PSMB10: variants seen among roughly 807,000 people sequenced by gnomAD.
The protein encoded by PSMB10 is proteasome subunit beta type-10.
A neutral mutation model predicts 29.8 loss-of-function variants in PSMB10; 29 were observed. That is an observed-to-expected ratio of 0.97 (90% CI 0.73 to 1.33). The LOEUF (loss-of-function observed/expected upper bound fraction) is 1.33. Ranked by LOEUF, PSMB10 falls within the 40% of genes most tolerant of loss-of-function variation. The probability of loss-of-function intolerance (pLI) is 0.00; values close to 1 mark genes in which losing one functional copy is unlikely to be tolerated. For synonymous variants in PSMB10, 157 were observed against 164.7 expected, an observed-to-expected ratio of 0.95 and a Z score of 0.36; for missense variants, 327 against 369.2, an observed-to-expected ratio of 0.89 and a Z score of 0.94.
At chr16:67,936,372 G>C in intron 2 of PSMB10, 26 bp downstream of exon 2, 1 of 1,611,092 alleles carries the variant, frequency 6.2e-7, no homozygotes, top group Non-Finnish European at 8.5e-7. Context: ...CTCCCCTCCA[G>C]CTCCCCGTCC....
intron 6 of PSMB10, 60 bp from the exon 7 acceptor site, chr16:67,935,008 C>T: frequency 6.3e-7 from 1 of 1,577,818 alleles, no homozygotes; most frequent in Admixed American, 1.7e-5. Context: ...TAGGCTACAG[C>T]CTGGGGACTT....
In PSMB10 at chr16:67,935,100, A is replaced by C. The variant is rs1598199487; in HGVS notation, c.559-152T>G. ...TCTGAGCCTTAGCCACCTCTGAGGC[A>C]ACATCACCTGCTTCCATCCCACCCC... is the stretch of plus-strand genomic sequence containing the variant. On this transcript the variant is annotated intron_variant, in intron 6 of 7. Transcript: ENST00000358514. 4.5e-5 allele frequency: 45 copies of C among 999,390 alleles called. No individual in the cohort carries two copies. The South Asian group carries it at 7.0e-4, about 15-fold the overall frequency. 61.9% of individuals were successfully genotyped at this position (999,390 alleles called of 1,614,324 possible).
In PSMB10 at chr16:67,935,907, A is replaced by G. The variant is rs748323637; in HGVS notation, c.383+56T>C. On this transcript the variant is annotated intron_variant, in intron 4 of 7. Transcript: ENST00000358514. ...GCCCTTCTTTCTGTCCCGCCTTCCA[A>G]TGGCCCCAACCCCGTAACTACCCCT... The G allele has an allele frequency of 5.0e-4, 787 of 1,574,364 alleles. 2 individuals carry two copies. The highest frequency in any genetic ancestry group is 6.1e-4 in the Non-Finnish European group (708 of 1,156,636).
At chr16:67,935,826 G>GTA in intron 4 of PSMB10, 129 bp from the exon 5 acceptor site, 1 of 1,474,632 alleles carries the variant, frequency 6.8e-7, no homozygotes, top group Non-Finnish European at 9.2e-7. Context: ...GCCTTTTCCT[G>GTA]TAGCCCAGGT....
chr16:67,935,247 T>TG, intron 6 of PSMB10, 173 bp downstream of exon 6: 1 of 800,488 alleles, frequency 1.2e-6, no homozygotes. Flanking sequence ...GCTTTGGTAT[T>TG]GGACGGTGTT....
intron 2 of PSMB10, 41 bp downstream of exon 2, chr16:67,936,357 C>T (rs2058264115): frequency 1.2e-6 from 2 of 1,610,928 alleles, no homozygotes; most frequent in African/African-American, 1.3e-5. Flanking sequence ...GCTCGATACT[C>T]TCGGCTCCCC....
At position 67,934,708 on chromosome 16, in the gene PSMB10, T is replaced by C. The variant is rs754031656; in HGVS notation, c.711-37A>G. ...GAGGGACAGCCTCTGAACATGGGCCTGTCATGTGGCCCATCCCCTTTTTGC... is the reference window on the plus strand; with the variant it reads ...GAGGGACAGCCTCTGAACATGGGCCCGTCATGTGGCCCATCCCCTTTTTGC... On this transcript the variant is annotated intron_variant, in intron 7 of 7. Coordinates refer to ENST00000358514, the MANE Select transcript of PSMB10 (RefSeq NM_002801.4). This position sits in a 1 kb window ranked among gnomAD's most constrained non-coding sequence, Gnocchi z 4.3. 4.3e-6 allele frequency: 7 copies of C among 1,611,062 alleles called. No individual in the cohort carries two copies. The highest frequency in any genetic ancestry group is 4.2e-6 in the Non-Finnish European group (5 of 1,177,332).
Position 67,935,974 on chromosome 16 carries a change from C to T in PSMB10, c.372G>A (p.Gln124=). The T allele has an allele frequency of 6.2e-7, 1 of 1,610,980 alleles. No individual in the cohort carries two copies. The highest frequency in any genetic ancestry group is 1.3e-5 in the African/African-American group (1 of 75,026). ...RVATVTRILR[Q]TLFRYQGHVG... is the part of the protein sequence containing the mutation. ...CCCTGCCCCCGCACCTGAAGAGCGTCTGGCGCAGGATGCGAGTGACCGTGG... is the reference window on the plus strand; with the variant it reads ...CCCTGCCCCCGCACCTGAAGAGCGTTTGGCGCAGGATGCGAGTGACCGTGG... Residue 124 remains glutamine, a synonymous_variant, in exon 4 of 8, where the codon CAG becomes CAA. Coordinates refer to ENST00000358514, the MANE Select transcript of PSMB10 (RefSeq NM_002801.4).
At chr16:67,936,624 A>G in intron 1 of PSMB10, 70 bp downstream of exon 1, 1 of 1,367,350 alleles carries the variant, frequency 7.3e-7, no homozygotes, top group South Asian at 1.3e-5. Flanking sequence ...CCCCACCCCC[A>G]GCCAGGAAAA....
chr16:67,936,247 G>C lies in PSMB10; in HGVS notation c.210C>G (p.Cys70Trp). 6.2e-7 allele frequency: 1 copy of C among 1,614,008 alleles called. No individual in the cohort carries two copies. The highest frequency in any genetic ancestry group is 8.5e-7 in the Non-Finnish European group (1 of 1,179,960). ...TNDSVVADKSCEKIHFIAPKI... is the reference protein window; with the variant it reads ...TNDSVVADKSWEKIHFIAPKI... ...TGGGGGCGATGAAGTGGATCTTCTC[G>C]CAGCTCTTGTCCGCCACGACCGAAT... The change falls in exon 3 of 8, where the codon TGC (cysteine) becomes TGG (tryptophan). Residue 70 changes from cysteine (C) to tryptophan (W), a missense_variant. Cys to Trp is a radical substitution (Grantham distance 215). Coordinates refer to ENST00000358514, the MANE Select transcript of PSMB10 (RefSeq NM_002801.4).
In PSMB10 at chr16:67,935,995, C is replaced by T. The variant is rs1001085577; in HGVS notation, c.351G>A (p.Thr117=). ...GCGTCTGGCGCAGGATGCGAGTGACCGTGGCCACGCGGGGCTCGCGGCCCG... is the reference window on the plus strand; with the variant it reads ...GCGTCTGGCGCAGGATGCGAGTGACTGTGGCCACGCGGGGCTCGCGGCCCG... ...LSTGREPRVA[T]VTRILRQTLF... Residue 117 remains threonine (T), a synonymous_variant, in exon 4 of 8, where the codon ACG becomes ACA. Transcript: ENST00000358514. 1.9e-6 allele frequency: 3 copies of T among 1,612,194 alleles called. No individual in the cohort carries two copies. In the African/African-American group the frequency reaches 4.0e-5, roughly 22 times the overall value.
rs770735684 is a variant in PSMB10 at position 67,934,533 on chromosome 16, C to T, written c.*27G>A. 5 of 1,594,768 alleles carry T rather than the reference C, an allele frequency of 3.1e-6. No homozygotes were observed. Among genetic ancestry groups the T allele is most frequent in the South Asian group, 1.1e-5 (1 of 90,682 alleles). ...TAACTGTATTTTCTGGGTTTATTCC[C>T]CCTTGTTCCAAGCTCTAAGCCTCAG... On this transcript the variant is annotated 3_prime_UTR_variant, in exon 8 of 8. Coordinates refer to ENST00000358514, the MANE Select transcript of PSMB10 (RefSeq NM_002801.4). The surrounding 1 kb of genome is among the most constrained non-coding windows in gnomAD (Gnocchi z 4.3).
In PSMB10 at chr16:67,936,781, G is replaced by A. The variant is rs1346252282; in HGVS notation, c.-32C>T. The A allele has an allele frequency of 6.5e-7, 1 of 1,541,766 alleles. No homozygotes were observed. On this transcript the variant is annotated 5_prime_UTR_variant, in exon 1 of 8. Coordinates refer to ENST00000358514, the MANE Select transcript of PSMB10 (RefSeq NM_002801.4). ...GCAGGCAGAGGGGATTAGGGGTCGC[G>A]GGCGGATGAGTCGGCCAGACAAGCG...
Position 67,934,708 on chromosome 16 carries a change from T to G in PSMB10, c.711-37A>C. Reference sequence around the variant, plus strand: ...GAGGGACAGCCTCTGAACATGGGCCTGTCATGTGGCCCATCCCCTTTTTGC... The same window carrying G: ...GAGGGACAGCCTCTGAACATGGGCCGGTCATGTGGCCCATCCCCTTTTTGC... On this transcript the variant is annotated intron_variant, in intron 7 of 7. Coordinates refer to ENST00000358514, the MANE Select transcript of PSMB10 (RefSeq NM_002801.4). This position sits in a 1 kb window ranked among gnomAD's most constrained non-coding sequence, Gnocchi z 4.3. 6.2e-7 allele frequency: 1 copy of G among 1,611,062 alleles called. No homozygotes were observed. The highest frequency in any genetic ancestry group is 8.5e-7 in the Non-Finnish European group (1 of 1,177,332).
rs370432168 is a variant in PSMB10, at chr16:67,936,150, G to C, written c.243-47C>G. On this transcript the variant is annotated intron_variant, in intron 3 of 7. Transcript: ENST00000358514. ...GTGTGGGCAGGGCTGGGACGTGCGG[G>C]GACCGGAGTGGGAACGAGGGGGCCG... The C allele has an allele frequency of 3.7e-6, 6 of 1,608,530 alleles. No homozygotes were observed. In the African/African-American group the frequency reaches 6.7e-5, roughly 18 times the overall value.
intron 4 of PSMB10, 67 bp from the exon 5 acceptor site, chr16:67,935,764 C>T (rs2058260821): frequency 6.3e-5 from 98 of 1,551,074 alleles, no homozygotes; most frequent in Middle Eastern, 2.3e-4. Context: ...TGCCCAGCTC[C>T]TAGGTGCTAT....
chr16:67,935,307 C>T (rs1005053439), intron 6 of PSMB10, 113 bp downstream of exon 6: 31 of 1,323,808 alleles, frequency 2.3e-5, no homozygotes, highest in Non-Finnish European at 3.1e-5. Context: ...CTTCAGTGGT[C>T]ACCTCCTCCG....
Position 67,935,704 on chromosome 16 carries a change from G to A in PSMB10, c.384-7C>T, listed in dbSNP as rs752849317. ...ACCCACGTGGCCCTGGTACCTGCTC[G>A]AGGATGGGCGGGGTCGGCCACAAGC... On this transcript the variant is annotated splice_region_variant and splice_polypyrimidine_tract_variant and intron_variant, in intron 4 of 7. Transcript: ENST00000358514. 18 of 1,612,830 alleles carry A rather than the reference G, an allele frequency of 1.1e-5. No individual in the cohort carries two copies. Among genetic ancestry groups the A allele is most frequent in the Admixed American group, 6.7e-5 (4 of 59,990 alleles).
intron 2 of PSMB10, 38 bp from the exon 3 acceptor site, chr16:67,936,350 C>G (rs375925856): frequency 2.5e-5 from 40 of 1,610,768 alleles, no homozygotes; most frequent in Non-Finnish European, 3.4e-5. Flanking sequence ...AGTGCCTGCT[C>G]GATACTCTCG....
Sources: allele counts gnomAD v4.1 joint callset, GRCh38; gene constraint gnomAD v4.1.1; non-coding constraint Gnocchi (gnomAD v3.1); transcripts MANE v1.5; gene names NCBI Gene and HGNC (gene_info 2026-07-23, HGNC 2026-07-21).